GAS2: variants seen among roughly 807,000 people sequenced by gnomAD.
GAS2 encodes the protein growth arrest specific 2, also known as growth arrest-specific protein 2.
GAS2 carries 20 observed loss-of-function variants against 37.5 expected under a neutral mutation model. That is an observed-to-expected ratio of 0.53 (90% confidence interval 0.37 to 0.77). The LOEUF is 0.77. GAS2 is among the 30% of genes least tolerant of loss of function. The pLI, the probability that GAS2 is intolerant of heterozygous loss-of-function variation, is 0.00. For missense variants in GAS2, 336 were observed against 373.4 expected, an observed-to-expected ratio of 0.90 and a Z score of 0.82; for synonymous variants, 144 against 132.2, an observed-to-expected ratio of 1.09 and a Z score of -0.61.
intron 4 of GAS2, among the ~76,000 whole-genome samples, chr11:22,735,060 T>C (rs1238311816): frequency 6.6e-6 from 1 of 151,706 alleles, no homozygotes. Context: ...AGTTTGTTCA[T>C]CATCACAACC....
intron 7 of GAS2, among the ~76,000 whole-genome samples, chr11:22,769,925 T>C (rs1486850072): frequency 6.6e-6 from 1 of 152,182 alleles, no homozygotes; most frequent in African/African-American, 2.4e-5. Flanking sequence ...TTGCGGTTTT[T>C]GCCATGGAAA....
chr11:22,715,477 A>AAAAG (rs1851626326), intron 3 of GAS2, among the ~76,000 whole-genome samples: 1 of 149,332 alleles, frequency 6.7e-6, no homozygotes, highest in Non-Finnish European at 1.5e-5. Flanking sequence ...AAAAAAAAAA[A>AAAAG]AAAAAAGAAA....
chr11:22,641,865 A>G (rs1290342182), intron 1 of GAS2, among the ~76,000 whole-genome samples: 1 of 152,182 alleles, frequency 6.6e-6, no homozygotes, highest in Non-Finnish European at 1.5e-5. Context: ...ATTGCCATAT[A>G]CTGTTGCAGA....
intron 1 of GAS2, among the ~76,000 whole-genome samples, chr11:22,671,891 G>A (rs1455974355): frequency 1.3e-5 from 2 of 152,042 alleles, no homozygotes; most frequent in East Asian, 1.9e-4. Context: ...TTCATGTTTC[G>A]TATTCATGGA....
intron 3 of GAS2, among the ~76,000 whole-genome samples, chr11:22,692,033 A>C (rs1286997749): frequency 6.6e-6 from 1 of 152,140 alleles, no homozygotes; most frequent in Admixed American, 6.6e-5. Context: ...ATCGGGCTTC[A>C]ATGCCATAGC....
At chr11:22,712,743 G>A (rs1851468004) in intron 3 of GAS2, among the ~76,000 whole-genome samples, 1 of 152,138 alleles carries the variant, frequency 6.6e-6, no homozygotes, top group Non-Finnish European at 1.5e-5. Context: ...TGATTATTAA[G>A]CTTCTCAAGG....
At chr11:22,690,578 C>A (rs1206152571) in intron 3 of GAS2, among the ~76,000 whole-genome samples, 1 of 152,026 alleles carries the variant, frequency 6.6e-6, no homozygotes, top group Non-Finnish European at 1.5e-5. Flanking sequence ...TTTATACATA[C>A]TATAATATTA....
chr11:22,807,234 T>C (rs912886982), intron 7 of GAS2, among the ~76,000 whole-genome samples: 3 of 152,156 alleles, frequency 2.0e-5, no homozygotes, highest in African/African-American at 7.2e-5. Flanking sequence ...AGGAAAAATA[T>C]AAAACTGTCT....
At chr11:22,635,200 T>C (rs1346794491) in intron 1 of GAS2, among the ~76,000 whole-genome samples, 1 of 152,146 alleles carries the variant, frequency 6.6e-6, no homozygotes, top group Non-Finnish European at 1.5e-5. Flanking sequence ...GTTAAGATAC[T>C]AGGGTAGATG....
At chr11:22,775,755 A>G (rs1210899993) in intron 7 of GAS2, among the ~76,000 whole-genome samples, 1 of 152,172 alleles carries the variant, frequency 6.6e-6, no homozygotes, top group Non-Finnish European at 1.5e-5. Flanking sequence ...GCTCCTATCA[A>G]CAAGTTTTTA....
rs181701282 is a variant in GAS2, at chr11:22,649,650, G to A, written c.-21+23837G>A. Among the ~76,000 whole-genome samples the A allele has an allele frequency of 6.2e-3, 951 of 152,328 alleles. 7 individuals are homozygous for A. The highest frequency in any genetic ancestry group is 0.024 in the Middle Eastern group (7 of 294). Reference sequence around the variant, plus strand: ...TTCTTCCTGGTTTAGTCTTGGGAGAGCGTATGTGTCGAGGAATGTATCCAT... The same window carrying A: ...TTCTTCCTGGTTTAGTCTTGGGAGAACGTATGTGTCGAGGAATGTATCCAT... On this transcript the variant is annotated intron_variant, in intron 1 of 5. Coordinates refer to the GAS2 transcript ENST00000528582.
chr11:22,780,396 G>C (rs1407505213), intron 7 of GAS2, among the ~76,000 whole-genome samples: 1 of 151,988 alleles, frequency 6.6e-6, no homozygotes, highest in Non-Finnish European at 1.5e-5. Flanking sequence ...TCAGAAGCCA[G>C]AGGCAGGAGA....
At chr11:22,797,416 A>G (rs113906607) in intron 7 of GAS2, among the ~76,000 whole-genome samples, 1,548 of 152,224 alleles carry the variant, frequency 0.01, 38 homozygotes, top group African/African-American at 0.036. Context: ...CAGTTCCAAT[A>G]GTCAGAATAT....
chr11:22,682,512 T>C (rs896000827), intron 2 of GAS2, among the ~76,000 whole-genome samples: 1 of 152,174 alleles, frequency 6.6e-6, no homozygotes, highest in Non-Finnish European at 1.5e-5. Flanking sequence ...AATTTAAACT[T>C]ATTTGAATAA....
intron 5 of GAS2, among the ~76,000 whole-genome samples, chr11:22,744,604 A>G (rs1248749358): frequency 6.6e-6 from 1 of 152,030 alleles, no homozygotes; most frequent in Non-Finnish European, 1.5e-5. Context: ...ACATCCCTTC[A>G]TGATAAAAAA....
At chr11:22,731,046 CT>C (rs1346050646) in intron 4 of GAS2, among the ~76,000 whole-genome samples, 1 of 151,550 alleles carries the variant, frequency 6.6e-6, no homozygotes, top group Non-Finnish European at 1.5e-5. Context: ...GAAATTGATG[CT>C]TTTATGTCAT....
chr11:22,745,134 G>GAA (rs1340399940), intron 5 of GAS2, among the ~76,000 whole-genome samples: 1,975 of 73,448 alleles, frequency 0.027, 54 homozygotes, highest in African/African-American at 0.077. Flanking sequence ...AAAAAAAAAA[G>GAA]AAAGAAAAAA....
At chr11:22,639,976 A>G (rs1252586408) in intron 1 of GAS2, among the ~76,000 whole-genome samples, 2 of 152,152 alleles carry the variant, frequency 1.3e-5, no homozygotes, top group Non-Finnish European at 2.9e-5. Flanking sequence ...TTAGATATTC[A>G]TTACCACCTG....
At chr11:22,700,686 G>T (rs192296135) in intron 3 of GAS2, among the ~76,000 whole-genome samples, 1 of 152,080 alleles carries the variant, frequency 6.6e-6, no homozygotes, top group African/African-American at 2.4e-5. Context: ...ATAAAAATGA[G>T]CATATTTATA....
Sources: gnomAD v4.1 joint callset for allele counts (sites outside exome capture counted in the v4.1 genomes callset) on GRCh38, gnomAD v4.1.1 for gene constraint, MANE v1.5 for transcripts, NCBI Gene and HGNC (gene_info 2026-07-23, HGNC 2026-07-21) for gene names.